PLXNB3: variants seen among roughly 807,000 people sequenced by gnomAD.
The protein encoded by PLXNB3 is plexin-B3.
PLXNB3 carries 80 observed loss-of-function variants against 125.7 expected under a neutral mutation model. The observed-to-expected ratio is 0.64, with a 90% confidence interval of 0.53 to 0.77. The LOEUF is 0.77. PLXNB3 is among the 30% of genes least tolerant of loss of function. The pLI is 0.00. For missense variants in PLXNB3, 1,836 were observed against 1,729.3 expected, an observed-to-expected ratio of 1.06 and a Z score of -1.09; for synonymous variants, 954 against 783.3, an observed-to-expected ratio of 1.22 and a Z score of -3.64.
In PLXNB3 at chrX:153,773,633, G is replaced by A. The variant is rs1557062831; in HGVS notation, c.3199G>A (p.Asp1067Asn). Reference sequence around the variant, plus strand: ...GCAGGCTTCCAGGGCCCAGCCCCAGGACCCACAGCCAAGGAGGAGCTGTGG... The same window carrying A: ...GCAGGCTTCCAGGGCCCAGCCCCAGAACCCACAGCCAAGGAGGAGCTGTGG... ...EVQASRAQPQ[D>N]PQPRRSCGAP... is the part of the protein sequence containing the mutation. Residue 1067 changes from aspartate to asparagine, a missense_variant, in exon 19 of 36, where the codon GAC becomes AAC. Coordinates refer to ENST00000361971, the MANE Select transcript of PLXNB3 (RefSeq NM_005393.3). 1 of 1,200,945 alleles carries A rather than the reference G, an allele frequency of 8.3e-7. No homozygotes were observed. Among genetic ancestry groups the A allele is most frequent in the Admixed American group, 2.2e-5 (1 of 45,064 alleles).
Position 153,767,580 on chromosome X carries a change from C to T in PLXNB3, c.753C>T (p.Arg251=), listed in dbSNP as rs782544048. 24 of 1,172,322 alleles carry T rather than the reference C, an allele frequency of 2.0e-5. No homozygotes were observed. The highest frequency in any genetic ancestry group is 1.2e-4 in the South Asian group (6 of 51,318). The part of the protein sequence containing the change: ...ARSAYFVFRR[R]GARAQAEYRS... ...CCGCCTACTTCGTGTTCCGCCGCCGCGGGGCCCGGGCCCAGGCTGAGTACC... is the reference window on the plus strand; with the variant it reads ...CCGCCTACTTCGTGTTCCGCCGCCGTGGGGCCCGGGCCCAGGCTGAGTACC... Residue 251 remains arginine, a synonymous_variant, in exon 3 of 36, where the codon CGC becomes CGT. Transcript: ENST00000361971.
In PLXNB3 at chrX:153,767,592, C is replaced by T. The variant is rs782203862; in HGVS notation, c.765C>T (p.Ala255=). 1 of 1,183,394 alleles carries T rather than the reference C, an allele frequency of 8.5e-7. No homozygotes were observed. Among genetic ancestry groups the T allele is most frequent in the Non-Finnish European group, 1.1e-6 (1 of 881,715 alleles). ...YFVFRRRGAR[A]QAEYRSYVAR... is the part of the protein sequence containing the mutation. ...TGTTCCGCCGCCGCGGGGCCCGGGC[C>T]CAGGCTGAGTACCGCTCCTACGTGG... The change falls in exon 3 of 36, where the codon GCC becomes GCT. Residue 255 remains alanine (A), a synonymous_variant. Coordinates refer to ENST00000361971, the MANE Select transcript of PLXNB3 (RefSeq NM_005393.3).
rs57190308 is a variant in PLXNB3, at chrX:153,771,442, G to A, written c.2347+39G>A. 8,313 of 1,207,064 alleles carry A rather than the reference G, an allele frequency of 6.9e-3. 341 individuals are homozygous for A. The African/African-American group carries it at 0.12, about 18-fold the overall frequency. On this transcript the variant is annotated intron_variant, in intron 13 of 35. Coordinates refer to ENST00000361971, the MANE Select transcript of PLXNB3 (RefSeq NM_005393.3). Reference sequence around the variant, plus strand: ...CAGCCAGGCAGGCGGGGCAGGGTGGGTGGCAGACAGGAGGCGCTCAGCACA... The same window carrying A: ...CAGCCAGGCAGGCGGGGCAGGGTGGATGGCAGACAGGAGGCGCTCAGCACA...
rs368428119 is a variant in PLXNB3, at chrX:153,767,201, G to A, written c.374G>A (p.Arg125His). The A allele has an allele frequency of 9.1e-5, 109 of 1,203,559 alleles. No individual in the cohort carries two copies. The highest frequency in any genetic ancestry group is 1.8e-4 in the Admixed American group (8 of 45,377). Residue 125 changes from arginine to histidine, a missense_variant, in exon 3 of 36, where the codon CGC becomes CAC. Physicochemically the swap from Arg to His is conservative, Grantham distance 29. Coordinates refer to ENST00000361971, the MANE Select transcript of PLXNB3 (RefSeq NM_005393.3). ...AACCAGCTGCTGCTGGTGAGCAGCC[G>A]CGCCCAGGAGCTGGTGGCCTGCGGG... is the stretch of plus-strand genomic sequence containing the variant. ...NANQLLLVSSRAQELVACGQV... is the reference protein window; with the variant it reads ...NANQLLLVSSHAQELVACGQV...
chrX:153,765,911 G>C lies in PLXNB3; in HGVS notation c.45+331G>C, dbSNP rs60474355. 2.6e-3 allele frequency: 1,985 copies of C among 752,759 alleles called. 33 individuals are homozygous for C. The African/African-American group carries it at 0.039, about 15-fold the overall frequency. The allele number at this position is 752,759 out of a possible 1,213,427, so 62.0% of individuals were successfully genotyped here. ...GGCTGCTCCCACCTCTCACCCTCGG[G>C]GGCTCACCCCGGGGTCCCACCAGGC... On this transcript the variant is annotated intron_variant, in intron 2 of 35. Transcript: ENST00000361971.
Position 153,774,246 on chromosome X carries a change from G to A in PLXNB3, c.3580G>A (p.Glu1194Lys), listed in dbSNP as rs781988597. 1.4e-5 allele frequency: 17 copies of A among 1,194,695 alleles called. No homozygotes were observed. In the African/African-American group the frequency reaches 2.3e-4, roughly 16 times the overall value. The change falls in exon 21 of 36, where the codon GAG becomes AAG. Residue 1194 changes from glutamate to lysine, a missense_variant. By Grantham distance (56) the Glu-to-Lys change is moderately conservative. Transcript: ENST00000361971. Reference sequence around the variant, plus strand: ...GGTGCGCGTGCACATCGGCCGCGGCGAGTGCCTGGTGAAGACGCTCACGCG... The same window carrying A: ...GGTGCGCGTGCACATCGGCCGCGGCAAGTGCCTGGTGAAGACGCTCACGCG... ...EEVRVHIGRG[E>K]CLVKTLTRTH...
rs782441707 is a variant in PLXNB3 at position 153,767,556 on chromosome X, C to T, written c.729C>T (p.Ser243=). 1.5e-5 allele frequency: 18 copies of T among 1,173,063 alleles called. No individual in the cohort carries two copies. Among genetic ancestry groups the T allele is most frequent in the East Asian group, 3.0e-5 (1 of 33,095 alleles). The change falls in exon 3 of 36, where the codon TCC becomes TCT. Residue 243 remains serine, a synonymous_variant. Transcript: ENST00000361971. ...SYVGAFADAR[S]AYFVFRRRGA... ...TCGGGGCCTTTGCCGACGCCCGCTC[C>T]GCCTACTTCGTGTTCCGCCGCCGCG...
rs1557060442 is a variant in PLXNB3 at position 153,768,933 on chromosome X, T to C, written c.1267-15T>C. 8.3e-7 allele frequency: 1 copy of C among 1,208,202 alleles called. No homozygotes were observed. The highest frequency in any genetic ancestry group is 1.1e-6 in the Non-Finnish European group (1 of 893,547). ...TGGCCATCTGGCCCAGCCTCGTCCT[T>C]GTCCCCCCACTCAGGTCTTTCTCCA... is the stretch of plus-strand genomic sequence containing the variant. On this transcript the variant is annotated splice_polypyrimidine_tract_variant and intron_variant, in intron 4 of 35. Transcript: ENST00000361971.
In PLXNB3 at chrX:153,778,671, T is replaced by C. The variant is rs1278569884; in HGVS notation, c.5622T>C (p.Asp1874=). The part of the protein sequence containing the change: ...ELYNHIHRYY[D]QIISALEEDP... ...ACAACCACATCCACAGGTACTATGA[T>C]CAGGTGAGGCCCAGGGCACTCCGGA... The change falls in exon 35 of 36, where the codon GAT becomes GAC. Residue 1874 remains aspartate (D), a synonymous_variant. Coordinates refer to ENST00000361971, the MANE Select transcript of PLXNB3 (RefSeq NM_005393.3). 18 of 1,197,692 alleles carry C rather than the reference T, an allele frequency of 1.5e-5. No individual in the cohort carries two copies. The highest frequency in any genetic ancestry group is 1.6e-5 in the Non-Finnish European group (14 of 886,814).
chrX:153,773,742 C>T, intron 19 of PLXNB3, 29 bp downstream of exon 19: 1 of 1,170,427 alleles, frequency 8.5e-7, no homozygotes, highest in Non-Finnish European at 1.1e-6. Context: ...GGCGACAAGG[C>T]TGTCCCCGAC....
At position 153,771,471 on chromosome X, in the gene PLXNB3, C is replaced by T. The variant is rs782421967; in HGVS notation, c.2348-15C>T. 1 of 1,206,035 alleles carries T rather than the reference C, an allele frequency of 8.3e-7. No homozygotes were observed. The highest frequency in any genetic ancestry group is 3.0e-5 in the East Asian group (1 of 33,711). On this transcript the variant is annotated splice_polypyrimidine_tract_variant and intron_variant, in intron 13 of 35. Transcript: ENST00000361971. ...CAGACAGGAGGCGCTCAGCACACTGCCTGACCCTCCCTAGTGATCCTGTAC... is the reference window on the plus strand; with the variant it reads ...CAGACAGGAGGCGCTCAGCACACTGTCTGACCCTCCCTAGTGATCCTGTAC...
At position 153,765,595 on chromosome X, in the gene PLXNB3, C is replaced by A. The variant is rs782532931; in HGVS notation, c.45+15C>A. On this transcript the variant is annotated intron_variant, in intron 2 of 35. Coordinates refer to ENST00000361971, the MANE Select transcript of PLXNB3 (RefSeq NM_005393.3). ...ACCACTTCATGGTAAGTGCCCAGGCCCGGTGTCCCCAGAAATGTTCCTGGG... is the reference window on the plus strand; with the variant it reads ...ACCACTTCATGGTAAGTGCCCAGGCACGGTGTCCCCAGAAATGTTCCTGGG... 1.7e-6 allele frequency: 2 copies of A among 1,184,262 alleles called. No individual in the cohort carries two copies. The highest frequency in any genetic ancestry group is 2.4e-5 in the Admixed American group (1 of 41,701).
Position 153,767,684 on chromosome X carries a change from A to AGGGCCT in PLXNB3, c.858_863dup (p.Gly287_Leu288dup), listed in dbSNP as rs2091874089. 5.1e-6 allele frequency: 6 copies of AGGGCCT among 1,188,015 alleles called. No individual in the cohort carries two copies. The highest frequency in any genetic ancestry group is 5.7e-6 in the Non-Finnish European group (5 of 883,551). On this transcript the variant is annotated inframe_insertion, in exon 3 of 36. Coordinates refer to ENST00000361971, the MANE Select transcript of PLXNB3 (RefSeq NM_005393.3). ...GAGGTCCCCCTCGCCTGCCAGGGCCAGGGCCTCATCCAGGCCGCCTTCCTT... is the reference window on the plus strand; with the variant it reads ...GAGGTCCCCCTCGCCTGCCAGGGCCAGGGCCTGGGCCTCATCCAGGCCGCCTTCCTT...
intron 17 of PLXNB3, 88 bp downstream of exon 17, chrX:153,773,104 C>T: frequency 9.3e-7 from 1 of 1,073,785 alleles, no homozygotes; most frequent in South Asian, 2.3e-5. Flanking sequence ...GTTGCTGTGG[C>T]CACCCCCAGT....
In PLXNB3 at chrX:153,771,331, C is replaced by T. The variant is rs1557061777; in HGVS notation, c.2275C>T (p.Arg759Trp). Residue 759 changes from arginine to tryptophan, a missense_variant, in exon 13 of 36, where the codon CGG becomes TGG. Physicochemically the swap from Arg to Trp is moderately radical, Grantham distance 101 (BLOSUM62 -3). Transcript: ENST00000361971. ...ACAGTTTTATCCCTCCATGTCCCAG[C>T]GGGAGCTCCCAGTGCCCATCTACGT... ...AHQFYPSMSQRELPVPIYVTQ... is the reference protein window; with the variant it reads ...AHQFYPSMSQWELPVPIYVTQ... The T allele has an allele frequency of 1.2e-5, 14 of 1,208,925 alleles. No homozygotes were observed. Among genetic ancestry groups the T allele is most frequent in the Admixed American group, 4.3e-5 (2 of 46,112 alleles).
chrX:153,766,501 C>A, intron 2 of PLXNB3: 3 of 1,044,085 alleles, frequency 2.9e-6, no homozygotes, highest in Non-Finnish European at 3.7e-6. Context: ...CATCCCTGCC[C>A]CCTCTGTGAC....
intron 28 of PLXNB3, 36 bp downstream of exon 28, chrX:153,776,495 GGGGCGGGGCA>G (rs782655325): frequency 2.0e-6 from 1 of 500,085 alleles, no homozygotes. Context: ...GGGCGGGGCT[GGGGCGGGGCA>G]GGGCGAGGCA....
At position 153,776,476 on chromosome X, in the gene PLXNB3, G is replaced by A. The variant is rs782611376; in HGVS notation, c.4833+17G>A. 22 of 783,800 alleles carry A rather than the reference G, an allele frequency of 2.8e-5. No homozygotes were observed. Among genetic ancestry groups the A allele is most frequent in the African/African-American group, 5.3e-5 (2 of 37,942 alleles). 64.6% of individuals were successfully genotyped at this position (783,800 alleles called of 1,213,427 possible). ...CACTACAAGGTGTGAGCAGGGACGG[G>A]GCGAGGCAGGGCGGGGCTGGGGCGG... On this transcript the variant is annotated intron_variant, in intron 28 of 35. Coordinates refer to ENST00000361971, the MANE Select transcript of PLXNB3 (RefSeq NM_005393.3).
At chrX:153,778,848 T>C (rs782400680) in intron 35 of PLXNB3, 87 bp from the exon 36 acceptor site, 32 of 1,108,428 alleles carry the variant, frequency 2.9e-5, no homozygotes, top group Non-Finnish European at 3.7e-5. Context: ...ATCCCCAGGC[T>C]CCTGCGGTGA....
Sources: gnomAD v4.1 joint callset for allele counts on GRCh38, gnomAD v4.1.1 for gene constraint, MANE v1.5 for transcripts, NCBI Gene and HGNC (gene_info 2026-07-23, HGNC 2026-07-21) for gene names.